The following TOX3 variants were observed in gnomAD, a reference collection of about 807,000 sequenced individuals.
TOX3 encodes TOX high mobility group box family member 3, also known as CAG trinucleotide repeat-containing gene F9 protein.
In TOX3, 22 loss-of-function variants were observed where a neutral mutation model predicts 64.3. The observed-to-expected ratio is 0.34, with a 90% CI of 0.24 to 0.49. The LOEUF (loss-of-function observed/expected upper bound fraction) is 0.49, where lower values mean the gene tolerates loss of function less well. Among genes scored for constraint, TOX3 ranks in the 20% least tolerant of loss-of-function variants. The pLI, the probability that TOX3 is intolerant of heterozygous loss-of-function variation, is 0.99. For missense variants in TOX3, 661 were observed against 714.4 expected (o/e 0.93, Z 0.85); for synonymous variants, 291 against 273.6 (o/e 1.06, Z -0.63).
Position 52,546,698 on chromosome 16 carries a change from G to T in TOX3, c.26C>A (p.Ala9Glu). The T allele has an allele frequency of 1.9e-6, 3 of 1,540,202 alleles. No homozygotes were observed. Among genetic ancestry groups the T allele is most frequent in the African/African-American group, 1.4e-5 (1 of 73,116 alleles). MDVRFYPA[A>E]AGDPASLDFA... ...GTCCAGGCTGGCAGGGTCCCCGGCC[G>T]CCGCGGGGTAGAACCTCACATCCAT... Residue 9 changes from alanine (A) to glutamate (E), a missense_variant, in exon 1 of 7, where the codon GCG becomes GAG. Coordinates refer to ENST00000219746, the MANE Select transcript of TOX3 (RefSeq NM_001080430.4).
chr16:52,451,080 C>T (rs1452401778), intron 3 of TOX3, among the ~76,000 whole-genome samples: 1 of 152,234 alleles, frequency 6.6e-6, no homozygotes. Context: ...AGAGGATGGG[C>T]CAGCAAAGCA....
intron 1 of TOX3, among the ~76,000 whole-genome samples, chr16:52,488,981 A>C (rs530980874): frequency 2.6e-5 from 4 of 152,148 alleles, no homozygotes; most frequent in Non-Finnish European, 2.9e-5. Flanking sequence ...CCCACTTGTC[A>C]ACTAATGGAC....
At chr16:52,541,839 A>C (rs1963082991) in intron 1 of TOX3, among the ~76,000 whole-genome samples, 1 of 152,210 alleles carries the variant, frequency 6.6e-6, no homozygotes, top group African/African-American at 2.4e-5. Context: ...AGTTAGGAGC[A>C]GCAGGACTGT....
chr16:52,479,939 C>T (rs1268819105), intron 1 of TOX3, among the ~76,000 whole-genome samples: 1 of 152,174 alleles, frequency 6.6e-6, no homozygotes, highest in East Asian at 1.9e-4. Flanking sequence ...TTGGAAAAGG[C>T]TTCCTTGGCA....
At chr16:52,476,336 T>G (rs1175979082) in intron 1 of TOX3, among the ~76,000 whole-genome samples, 1 of 152,150 alleles carries the variant, frequency 6.6e-6, no homozygotes, top group Non-Finnish European at 1.5e-5. Context: ...TTTGAGTCTG[T>G]GAATCGCATA....
intron 1 of TOX3, among the ~76,000 whole-genome samples, chr16:52,484,520 A>G (rs1157421753): frequency 6.6e-6 from 1 of 152,214 alleles, no homozygotes; most frequent in Non-Finnish European, 1.5e-5. Flanking sequence ...ATAAACATAA[A>G]TTCTGAAAAT....
At chr16:52,447,719 A>C (rs1209522969) in intron 4 of TOX3, among the ~76,000 whole-genome samples, 1 of 152,220 alleles carries the variant, frequency 6.6e-6, no homozygotes, top group Non-Finnish European at 1.5e-5. Flanking sequence ...CACTTGTTTA[A>C]TTCTACTTAA....
chr16:52,491,556 A>G (rs563470004), intron 1 of TOX3, among the ~76,000 whole-genome samples: 1 of 152,314 alleles, frequency 6.6e-6, no homozygotes, highest in East Asian at 1.9e-4. Context: ...GCTGGTATGT[A>G]TAACCTTGTT....
intron 1 of TOX3, among the ~76,000 whole-genome samples, chr16:52,545,393 A>G (rs1963152810): frequency 6.6e-6 from 1 of 152,330 alleles, no homozygotes; most frequent in East Asian, 1.9e-4. Flanking sequence ...GGTCTTTTAC[A>G]AACTTCAGCA....
intron 1 of TOX3, 58 bp from the exon 2 acceptor site, chr16:52,468,632 T>C: frequency 7.3e-7 from 1 of 1,377,208 alleles, no homozygotes. Flanking sequence ...ATTCTGGCTG[T>C]GATTTGGAAA....
At chr16:52,492,995 A>T (rs1163856182) in intron 1 of TOX3, among the ~76,000 whole-genome samples, 3 of 151,978 alleles carry the variant, frequency 2.0e-5, no homozygotes, top group Non-Finnish European at 4.4e-5. Flanking sequence ...TTCCCTTTAT[A>T]CTTACAAGTG....
At chr16:52,501,146 C>T (rs1596832660) in intron 1 of TOX3, among the ~76,000 whole-genome samples, 1 of 152,182 alleles carries the variant, frequency 6.6e-6, no homozygotes, top group Non-Finnish European at 1.5e-5. Context: ...ACCCATTCTA[C>T]AGAGGAACAA....
intron 1 of TOX3, among the ~76,000 whole-genome samples, chr16:52,480,089 C>T (rs908661126): frequency 6.6e-6 from 1 of 152,176 alleles, no homozygotes; most frequent in African/African-American, 2.4e-5. Context: ...AGAGGCAATG[C>T]CTCATTGGCC....
chr16:52,536,834 G>T (rs1334173597), intron 1 of TOX3, among the ~76,000 whole-genome samples: 1 of 150,194 alleles, frequency 6.7e-6, no homozygotes, highest in Non-Finnish European at 1.5e-5. Flanking sequence ...GAAGTGCAGT[G>T]GTGTGTGTGT....
chr16:52,535,228 G>GT (rs1251120842), intron 1 of TOX3, among the ~76,000 whole-genome samples: 3 of 152,176 alleles, frequency 2.0e-5, no homozygotes, highest in Non-Finnish European at 4.4e-5. Context: ...ACTACCTGGT[G>GT]TCCCTTCCTC....
At chr16:52,455,354 A>T (rs2151749666) in intron 3 of TOX3, among the ~76,000 whole-genome samples, 1 of 152,170 alleles carries the variant, frequency 6.6e-6, no homozygotes, top group Non-Finnish European at 1.5e-5. Flanking sequence ...GCCTCTACCC[A>T]CTAGATACCA....
At chr16:52,453,873 G>C (rs974215906) in intron 3 of TOX3, among the ~76,000 whole-genome samples, 1 of 152,154 alleles carries the variant, frequency 6.6e-6, no homozygotes, top group South Asian at 2.1e-4. Flanking sequence ...CCTGCTGATA[G>C]ACAGCCAAGG....
chr16:52,447,575 TAGTTTACA>T (rs1363633080), intron 4 of TOX3, among the ~76,000 whole-genome samples: 2 of 152,316 alleles, frequency 1.3e-5, no homozygotes, highest in East Asian at 3.9e-4. Flanking sequence ...TTTATCTGAG[TAGTTTACA>T]AGCTTCAGAT....
chr16:52,541,098 C>G (rs1963068332), intron 1 of TOX3, among the ~76,000 whole-genome samples: 1 of 152,006 alleles, frequency 6.6e-6, no homozygotes, highest in South Asian at 2.1e-4. Flanking sequence ...TGCCTGGGAG[C>G]CCAGCCCTGG....
Sources: gnomAD v4.1 joint callset for allele counts (sites outside exome capture counted in the v4.1 genomes callset) on GRCh38, gnomAD v4.1.1 for gene constraint, MANE v1.5 for transcripts, NCBI Gene and HGNC (gene_info 2026-07-23, HGNC 2026-07-21) for gene names.